The following ARHGAP24 variants were observed in gnomAD, a reference collection of about 807,000 sequenced individuals.
ARHGAP24 encodes Rho GTPase activating protein 24.
ARHGAP24 carries 50 observed loss-of-function variants against 76.4 expected under a neutral mutation model. The ratio of observed to expected loss-of-function variants is 0.65; its 90% CI spans 0.52 to 0.83. ARHGAP24 has a LOEUF of 0.83. Among genes scored for constraint, ARHGAP24 ranks in the 40% least tolerant of loss-of-function variants. The pLI is 0.00. For missense variants in ARHGAP24, 930 were observed against 914.2 expected (o/e 1.02, Z -0.22); for synonymous variants, 345 against 323.3 (o/e 1.07, Z -0.72).
intron 2 of ARHGAP24, among the ~76,000 whole-genome samples, chr4:85,666,309 G>A (rs186249665): frequency 3.4e-4 from 51 of 152,082 alleles, no homozygotes; most frequent in African/African-American, 4.6e-4. Flanking sequence ...TGATCGCATC[G>A]GCTCCTGAGG....
chr4:85,764,549 C>A (rs1157477556), intron 3 of ARHGAP24, among the ~76,000 whole-genome samples: 2 of 152,076 alleles, frequency 1.3e-5, no homozygotes, highest in African/African-American at 4.8e-5. Context: ...GATTGAGAAG[C>A]AAGATGTGAG....
chr4:85,677,233 C>A (rs1269528633), intron 2 of ARHGAP24, among the ~76,000 whole-genome samples: 5 of 152,298 alleles, frequency 3.3e-5, no homozygotes, highest in African/African-American at 1.2e-4. Flanking sequence ...TCTTAATGAG[C>A]TTTTAATCCT....
rs77107170 is a variant in ARHGAP24, at chr4:85,497,894, G to C, written c.-21+22335G>C. On this transcript the variant is annotated intron_variant, in intron 1 of 9. Coordinates refer to ENST00000395184, the MANE Select transcript of ARHGAP24 (RefSeq NM_001025616.3). ...TCCCTAACTTTTTAGTTTTACTGTTGTAACAGTCTTTGAACACACGGCAGT... is the reference window on the plus strand; with the variant it reads ...TCCCTAACTTTTTAGTTTTACTGTTCTAACAGTCTTTGAACACACGGCAGT... Among the ~76,000 whole-genome samples the C allele has an allele frequency of 7.4e-3, 1,133 of 152,276 alleles. 11 individuals carry two copies. Among genetic ancestry groups the C allele is most frequent in the African/African-American group, 0.026 (1,087 of 41,572 alleles).
chr4:85,666,712 C>A (rs7689994), intron 2 of ARHGAP24, among the ~76,000 whole-genome samples: 4,452 of 152,254 alleles, frequency 0.029, 202 homozygotes, highest in African/African-American at 0.1. Flanking sequence ...TTCCTTTTAA[C>A]AGACAGGACC....
intron 3 of ARHGAP24, among the ~76,000 whole-genome samples, chr4:85,816,465 GACA>G (rs144649205): frequency 0.015 from 2,296 of 152,194 alleles, 58 homozygotes; most frequent in African/African-American, 0.052. Flanking sequence ...TTTCACAAAT[GACA>G]ACATTTCCTT....
intron 5 of ARHGAP24, among the ~76,000 whole-genome samples, chr4:85,961,146 A>G (rs1054868820): frequency 1.3e-5 from 2 of 152,180 alleles, no homozygotes; most frequent in African/African-American, 4.8e-5. Context: ...ACACGACTGC[A>G]TTTTAATGTG....
intron 3 of ARHGAP24, among the ~76,000 whole-genome samples, chr4:85,850,146 G>A (rs1014101077): frequency 3.3e-5 from 5 of 152,106 alleles, no homozygotes; most frequent in Non-Finnish European, 7.4e-5. Flanking sequence ...GGTCTATTCA[G>A]GGATTCAACT....
intron 3 of ARHGAP24, among the ~76,000 whole-genome samples, chr4:85,879,199 T>A (rs1733101874): frequency 1.3e-5 from 2 of 152,284 alleles, no homozygotes; most frequent in Admixed American, 1.3e-4. Context: ...TTCTATGCAG[T>A]TGTAGTGAGC....
chr4:85,536,487 GT>G (rs1199758715), intron 1 of ARHGAP24, among the ~76,000 whole-genome samples: 1 of 151,936 alleles, frequency 6.6e-6, no homozygotes, highest in Admixed American at 6.6e-5. Flanking sequence ...TTGTTTTAAA[GT>G]CTTTTCCAAA....
intron 2 of ARHGAP24, among the ~76,000 whole-genome samples, chr4:85,626,771 G>A (rs1286742559): frequency 6.6e-6 from 1 of 151,952 alleles, no homozygotes; most frequent in African/African-American, 2.4e-5. Flanking sequence ...GGCTTTGTTG[G>A]TTTCTTTTTA....
chr4:85,823,721 A>G (rs1364744722), intron 3 of ARHGAP24, among the ~76,000 whole-genome samples: 2 of 152,116 alleles, frequency 1.3e-5, no homozygotes, highest in Admixed American at 6.6e-5. Flanking sequence ...AATATGTTCA[A>G]TGACCTTGTT....
chr4:85,658,900 A>G (rs1011704537), intron 2 of ARHGAP24, among the ~76,000 whole-genome samples: 23 of 152,218 alleles, frequency 1.5e-4, no homozygotes. Context: ...CAGCAGAGGT[A>G]TAAGAAGTTC....
chr4:85,967,652 G>C (rs1425879535), intron 5 of ARHGAP24, among the ~76,000 whole-genome samples: 1 of 152,084 alleles, frequency 6.6e-6, no homozygotes, highest in African/African-American at 2.4e-5. Flanking sequence ...ATCTTGTGCT[G>C]CCTTTTTCCT....
chr4:85,661,255 C>A (rs28379426), intron 2 of ARHGAP24, among the ~76,000 whole-genome samples: 5,973 of 39,772 alleles, frequency 0.15, 382 homozygotes, highest in African/African-American at 0.35. Context: ...GCTTAGTTAA[C>A]TGAAATTACA....
intron 3 of ARHGAP24, among the ~76,000 whole-genome samples, chr4:85,872,505 A>T (rs933770303): frequency 7.3e-5 from 11 of 151,226 alleles, no homozygotes; most frequent in African/African-American, 2.7e-4. Context: ...CATGTTGGCC[A>T]GGCTGGTCTC....
chr4:85,917,085 C>T (rs1382623560), intron 3 of ARHGAP24, among the ~76,000 whole-genome samples: 1 of 151,986 alleles, frequency 6.6e-6, no homozygotes, highest in Non-Finnish European at 1.5e-5. Context: ...ACAACAGTCC[C>T]CAAAGTGTGA....
intron 1 of ARHGAP24, among the ~76,000 whole-genome samples, chr4:85,528,146 G>A (rs774899745): frequency 4.6e-5 from 7 of 151,962 alleles, no homozygotes; most frequent in Non-Finnish European, 8.8e-5. Flanking sequence ...AAAGGGAAGA[G>A]AATCACTGAA....
chr4:85,784,735 G>C (rs780884654), intron 3 of ARHGAP24, among the ~76,000 whole-genome samples: 6 of 151,852 alleles, frequency 4.0e-5, no homozygotes, highest in Non-Finnish European at 4.4e-5. Context: ...ACAACCAGGT[G>C]CCAATTAGAA....
intron 3 of ARHGAP24, among the ~76,000 whole-genome samples, chr4:85,918,119 A>T (rs1024786501): frequency 2.6e-5 from 4 of 152,126 alleles, no homozygotes; most frequent in African/African-American, 9.7e-5. Context: ...ATTATAGAAA[A>T]GTACAAAAGG....
Sources: gnomAD v4.1 joint callset for allele counts (sites outside exome capture counted in the v4.1 genomes callset) on GRCh38, gnomAD v4.1.1 for gene constraint, MANE v1.5 for transcripts, NCBI Gene and HGNC (gene_info 2026-07-23, HGNC 2026-07-21) for gene names.